The following RBFOX1 variants were observed in gnomAD, a reference collection of about 807,000 sequenced individuals.
RBFOX1 encodes the protein RNA binding protein fox-1 homolog 1.
A neutral mutation model predicts 57.7 loss-of-function variants in RBFOX1; 8 were observed. That is an observed-to-expected ratio of 0.14 (90% CI 0.08 to 0.25). The LOEUF is 0.25. RBFOX1 is among the 10% of genes least tolerant of loss of function. RBFOX1 has a pLI of 1.00. For synonymous variants in RBFOX1, 326 were observed against 222.4 expected (o/e 1.47, Z -4.15); for missense variants, 611 against 548.5 (o/e 1.11, Z -1.14).
chr16:7,382,610 C>T (rs8063274), intron 4 of RBFOX1, among the ~76,000 whole-genome samples: 10,998 of 152,190 alleles, frequency 0.072, 506 homozygotes, highest in East Asian at 0.19. Flanking sequence ...CTGATTAATG[C>T]GCAAGATGGC....
At chr16:5,734,630 C>T (rs192868616) in intron 3 of RBFOX1, among the ~76,000 whole-genome samples, 4 of 152,216 alleles carry the variant, frequency 2.6e-5, no homozygotes, top group African/African-American at 4.8e-5. Flanking sequence ...GCTAGGTTCA[C>T]GAGACTGAGT....
chr16:7,588,645 G>A (rs949442208), intron 7 of RBFOX1, among the ~76,000 whole-genome samples: 5 of 152,188 alleles, frequency 3.3e-5, no homozygotes, highest in African/African-American at 1.2e-4. Context: ...TTACACAGGC[G>A]ATTTGAGGCA....
intron 4 of RBFOX1, among the ~76,000 whole-genome samples, chr16:7,322,298 T>C (rs545729423): frequency 1.3e-5 from 2 of 152,336 alleles, no homozygotes; most frequent in Admixed American, 6.5e-5. Context: ...CCCATGTTGT[T>C]TGACCTTCTT....
At chr16:7,448,728 A>T (rs941071937) in intron 4 of RBFOX1, among the ~76,000 whole-genome samples, 1 of 152,092 alleles carries the variant, frequency 6.6e-6, no homozygotes, top group South Asian at 2.1e-4. Context: ...TTGTGGCTGC[A>T]TTACTCCAAT....
intron 2 of RBFOX1, among the ~76,000 whole-genome samples, chr16:6,470,474 A>G (rs1213032160): frequency 1.3e-5 from 2 of 152,220 alleles, no homozygotes; most frequent in Non-Finnish European, 2.9e-5. Context: ...GTTGGCTTGG[A>G]CATGAATAGT....
chr16:6,868,592 G>A (rs946436380), intron 3 of RBFOX1, among the ~76,000 whole-genome samples: 5 of 152,020 alleles, frequency 3.3e-5, no homozygotes, highest in South Asian at 4.2e-4. Context: ...CTGCTTTAGC[G>A]TCCTGAGTAG....
intron 1 of RBFOX1, among the ~76,000 whole-genome samples, chr16:6,307,938 C>T (rs1280252820): frequency 1.4e-5 from 2 of 146,868 alleles, no homozygotes; most frequent in African/African-American, 2.5e-5. Flanking sequence ...ATCATATATT[C>T]ATTTAGGTTG....
chr16:5,457,200 G>A (rs909862665), intron 1 of RBFOX1, among the ~76,000 whole-genome samples: 9 of 152,244 alleles, frequency 5.9e-5, no homozygotes, highest in African/African-American at 1.9e-4. Flanking sequence ...GCAGTGACAT[G>A]ATCTTGGCTC....
Position 7,453,330 on chromosome 16 carries a change from A to C in RBFOX1, c.28-64817A>C, listed in dbSNP as rs545651551. ...AGGAAGGACATTAGTGAGTATGAGG[A>C]ATGGAAGAGATCATTGTCCTCATAG... On this transcript the variant is annotated intron_variant, in intron 4 of 15. Transcript: ENST00000550418. Among the ~76,000 whole-genome samples, 5 of 151,950 alleles carry C rather than the reference A, an allele frequency of 3.3e-5. No individual in the cohort carries two copies. In the South Asian group the frequency reaches 1.0e-3, roughly 32 times the overall value.
chr16:6,565,587 C>A (rs2097253337), intron 2 of RBFOX1, among the ~76,000 whole-genome samples: 1 of 150,956 alleles, frequency 6.6e-6, no homozygotes, highest in Non-Finnish European at 1.5e-5. Context: ...CCTGCCTCAG[C>A]CTCCCAAGTA....
intron 4 of RBFOX1, among the ~76,000 whole-genome samples, chr16:5,898,638 G>C (rs1017237067): frequency 6.6e-6 from 1 of 152,002 alleles, no homozygotes. Context: ...GCCCAGAGAG[G>C]TTGTCCAAAA....
At chr16:5,771,313 G>A (rs2053968859) in intron 3 of RBFOX1, among the ~76,000 whole-genome samples, 1 of 152,250 alleles carries the variant, frequency 6.6e-6, no homozygotes. Flanking sequence ...GAGTTAGGGT[G>A]AGGTCTACAT....
intron 4 of RBFOX1, among the ~76,000 whole-genome samples, chr16:7,181,922 A>G (rs962031339): frequency 1.3e-5 from 2 of 152,218 alleles, no homozygotes; most frequent in African/African-American, 4.8e-5. Context: ...TTCTACGGAA[A>G]AAAAACTCAG....
At chr16:5,534,094 G>A (rs558038268) in intron 2 of RBFOX1, among the ~76,000 whole-genome samples, 10 of 152,186 alleles carry the variant, frequency 6.6e-5, no homozygotes, top group East Asian at 1.9e-4. Context: ...AGTTGCTGCC[G>A]CTTTGTGCAC....
chr16:6,249,002 C>T (rs1567770778), intron 1 of RBFOX1, among the ~76,000 whole-genome samples: 1 of 152,088 alleles, frequency 6.6e-6, no homozygotes, highest in Non-Finnish European at 1.5e-5. Context: ...CCTCCATGAG[C>T]CGTATGTTCA....
intron 4 of RBFOX1, among the ~76,000 whole-genome samples, chr16:5,986,537 C>T (rs1483234867): frequency 6.6e-6 from 1 of 152,206 alleles, no homozygotes; most frequent in African/African-American, 2.4e-5. Context: ...ACATTCACCT[C>T]CCTCTCACCC....
chr16:7,610,857 C>T (rs575139129), intron 10 of RBFOX1, among the ~76,000 whole-genome samples: 37 of 152,288 alleles, frequency 2.4e-4, no homozygotes, highest in African/African-American at 6.3e-4. Flanking sequence ...ATTACTGTCA[C>T]GCATCTACAG....
intron 3 of RBFOX1, among the ~76,000 whole-genome samples, chr16:5,829,587 C>T (rs1219401795): frequency 6.6e-6 from 1 of 152,106 alleles, no homozygotes; most frequent in Admixed American, 6.5e-5. Flanking sequence ...CAACATCCCC[C>T]TCCATCCCCT....
At chr16:7,294,836 T>C (rs148211786) in intron 4 of RBFOX1, among the ~76,000 whole-genome samples, 5 of 152,306 alleles carry the variant, frequency 3.3e-5, no homozygotes, top group African/African-American at 9.6e-5. Flanking sequence ...TCTCTACTGC[T>C]GTTTGTATTG....
Sources: gnomAD v4.1 joint callset for allele counts (sites outside exome capture counted in the v4.1 genomes callset) on GRCh38, gnomAD v4.1.1 for gene constraint, MANE v1.5 for transcripts, NCBI Gene and HGNC (gene_info 2026-07-23, HGNC 2026-07-21) for gene names.